Variants in NOC3L observed in about 807,000 individuals in gnomAD.
NOC3L encodes NOC3 like DNA replication regulator, also known as nucleolar complex protein 3 homolog.
A neutral mutation model predicts 102.5 loss-of-function variants in NOC3L; 85 were observed. That is an observed-to-expected ratio of 0.83 (90% CI 0.70 to 0.99). NOC3L has a LOEUF of 0.99. Ranked by LOEUF, NOC3L falls within the 50% of genes least tolerant of loss-of-function variation. NOC3L has a pLI of 0.00. For synonymous variants in NOC3L, 303 were observed against 309.4 expected, an observed-to-expected ratio of 0.98 and a Z score of 0.22; for missense variants, 878 against 914.9, an observed-to-expected ratio of 0.96 and a Z score of 0.52.
At chr10:94,349,160 T>C (rs1367151129) in intron 10 of NOC3L, 90 bp downstream of exon 10, 1 of 1,410,710 alleles carries the variant, frequency 7.1e-7, no homozygotes, top group Non-Finnish European at 9.5e-7. Flanking sequence ...TTTTACTTCA[T>C]ACACTTATAA....
Position 94,344,376 on chromosome 10 carries a change from A to G in NOC3L, c.1571+39T>C, listed in dbSNP as rs2054320014. On this transcript the variant is annotated intron_variant, in intron 13 of 20. Transcript: ENST00000371361. ...GAAAATTCTTTGGTCTTTCCTATTT[A>G]GAAGGAATCTAAAAGATTTCAACCT... 2.9e-6 allele frequency: 4 copies of G among 1,366,440 alleles called. No homozygotes were observed. In the South Asian group the frequency reaches 4.9e-5, roughly 17 times the overall value. The allele number at this position is 1,366,440 out of a possible 1,614,324, so 84.6% of individuals were successfully genotyped here. A position where few individuals can be genotyped will look rare whatever the true frequency, so the allele number is the denominator to read the frequency against.
Position 94,346,417 on chromosome 10 carries a change from A to G in NOC3L, c.1389+8T>C. On this transcript the variant is annotated splice_region_variant and intron_variant, in intron 11 of 20. Transcript: ENST00000371361. ...TTTAAATGAAACAAAAGGGGAAATAAGTCAAACCTTTCTCTGCATTCTTGA... is the reference window on the plus strand; with the variant it reads ...TTTAAATGAAACAAAAGGGGAAATAGGTCAAACCTTTCTCTGCATTCTTGA... 6.7e-7 allele frequency: 1 copy of G among 1,481,710 alleles called. No homozygotes were observed. The highest frequency in any genetic ancestry group is 9.0e-7 in the Non-Finnish European group (1 of 1,112,682). 91.8% of individuals were successfully genotyped at this position (1,481,710 alleles called of 1,614,324 possible). A position where few individuals can be genotyped will look rare whatever the true frequency, so the allele number is the denominator to read the frequency against.
chr10:94,349,098 T>C (rs2054383287), intron 10 of NOC3L, 152 bp downstream of exon 10: 1 of 728,286 alleles, frequency 1.4e-6, no homozygotes, highest in Non-Finnish European at 2.1e-6. Context: ...CTGTTAATAG[T>C]ATCAAACATT....
the NOC3L span, among the ~76,000 whole-genome samples, chr10:94,323,637 C>T: frequency 6.6e-6 from 1 of 152,142 alleles, no homozygotes; most frequent in African/African-American, 2.4e-5. Flanking sequence ...AATACAATGC[C>T]TAGCAAATGG....
At chr10:94,340,033 C>A in intron 16 of NOC3L, 113 bp from the exon 17 acceptor site, 1 of 934,852 alleles carries the variant, frequency 1.1e-6, no homozygotes, top group Non-Finnish European at 1.6e-6. Context: ...CAAACCATTT[C>A]TCTAATCAAT....
chr10:94,316,484 A>T, the NOC3L span: 2 of 1,029,398 alleles, frequency 1.9e-6, no homozygotes, highest in Non-Finnish European at 1.5e-6. Flanking sequence ...TCTGAACACC[A>T]TGAAAGTTGA....
intron 14 of NOC3L, 111 bp downstream of exon 14, chr10:94,341,562 A>C (rs930120587): frequency 2.3e-5 from 11 of 474,428 alleles, no homozygotes; most frequent in Admixed American, 2.1e-4. Flanking sequence ...CATAAACTGT[A>C]CATCTAAAAG....
chr10:94,322,085 G>C, the NOC3L span: 1 of 1,607,742 alleles, frequency 6.2e-7, no homozygotes, highest in Non-Finnish European at 8.5e-7. Context: ...TTCCTCACCT[G>C]AGTCCTTTCC....
chr10:94,344,377 G>C, intron 13 of NOC3L, 38 bp downstream of exon 13: 1 of 1,373,930 alleles, frequency 7.3e-7, no homozygotes, highest in Non-Finnish European at 1.0e-6. Flanking sequence ...TTCCTATTTA[G>C]AAGGAATCTA....
intron 14 of NOC3L, among the ~76,000 whole-genome samples, chr10:94,340,844 G>A (rs889956647): frequency 5.9e-5 from 9 of 151,878 alleles, no homozygotes; most frequent in African/African-American, 2.2e-4. Context: ...AACCGGGCAT[G>A]GTGGTGGGCG....
chr10:94,339,811 A>G lies in NOC3L; in HGVS notation c.1890T>C (p.Leu630=), dbSNP rs2054260918. The change falls in exon 17 of 21, where the codon CTT becomes CTC. Residue 630 remains leucine, a synonymous_variant. Transcript: ENST00000371361. The part of the protein sequence containing the change: ...QQRALAFIKR[L]CTLALHVLPN... ...GAAGAACATGAAGAGCAAGGGTACA[A>G]AGGCGTTTGATGAAGGCAAGAGCTC... 6.2e-7 allele frequency: 1 copy of G among 1,614,074 alleles called. No individual in the cohort carries two copies. The highest frequency in any genetic ancestry group is 1.1e-5 in the South Asian group (1 of 91,086).
Position 94,361,670 on chromosome 10 carries a change from C to A in NOC3L, c.212G>T (p.Arg71Leu). The stretch of plus-strand genomic sequence containing the variant: ...CATGATGTTTTCACAATTACCTGGT[C>A]GCTTTTCCTTTGGGTTCTCCAATGG... ...PIPLENPKEK[R>L]PGKRIEREEE... The change falls in exon 2 of 21, where the codon CGA (arginine) becomes CTA (leucine). Residue 71 changes from arginine (R) to leucine (L), a missense_variant. Transcript: ENST00000371361. 6 of 1,612,934 alleles carry A rather than the reference C, an allele frequency of 3.7e-6. No individual in the cohort carries two copies. The South Asian group carries it at 5.5e-5, about 15-fold the overall frequency.
chr10:94,356,760 G>A (rs1035063492), intron 4 of NOC3L, among the ~76,000 whole-genome samples, 169 bp from the exon 5 acceptor site: 9 of 152,164 alleles, frequency 5.9e-5, no homozygotes, highest in African/African-American at 2.2e-4. Context: ...GAAGCTAGCA[G>A]TAGTTTTTTT....
At chr10:94,315,925 G>GTATC in the NOC3L span, among the ~76,000 whole-genome samples, 1 of 85,286 alleles carries the variant, frequency 1.2e-5, no homozygotes, top group African/African-American at 4.7e-5. Context: ...AAGGGATTAA[G>GTATC]TATCTTACCC....
intron 14 of NOC3L, among the ~76,000 whole-genome samples, chr10:94,341,201 T>G (rs1433300269): frequency 2.6e-5 from 4 of 151,714 alleles, no homozygotes; most frequent in Admixed American, 2.6e-4. Flanking sequence ...CTATAAAGGT[T>G]ATCTTTAAGA....
intron 2 of NOC3L, among the ~76,000 whole-genome samples, chr10:94,360,826 C>A (rs1230381580): frequency 1.3e-5 from 2 of 151,708 alleles, no homozygotes; most frequent in African/African-American, 4.8e-5. Context: ...ATATATACAC[C>A]TACTATGTAC....
downstream of NOC3L, chr10:94,330,988 A>C (rs908906248): frequency 2.4e-4 from 37 of 152,232 alleles, no homozygotes; most frequent in African/African-American, 8.4e-4. Flanking sequence ...GCATCACTGA[A>C]AGTGAAGAGA....
rs912629097 is a variant in NOC3L, at chr10:94,344,438, T to A, written c.1548A>T (p.Pro516=). ...LKKAQRSPLL[P]AVLEGLAKFA... ...ACTTGGCAAGACCTTCTAGAACTGC[T>A]GGCAGGAGAGGTGACCTCTGGGCCT... is the stretch of plus-strand genomic sequence containing the variant. Residue 516 remains proline (P), a synonymous_variant, in exon 13 of 21, where the codon CCA becomes CCT. Coordinates refer to ENST00000371361, the MANE Select transcript of NOC3L (RefSeq NM_022451.11). 3.7e-6 allele frequency: 6 copies of A among 1,613,218 alleles called. No individual in the cohort carries two copies. The African/African-American group carries it at 4.0e-5, about 11-fold the overall frequency.
chr10:94,357,501 AT>A (rs1465403195), intron 3 of NOC3L, 170 bp from the exon 4 acceptor site: 1 of 422,756 alleles, frequency 2.4e-6, no homozygotes, highest in African/African-American at 2.0e-5. Context: ...CAGCAAATGA[AT>A]AAAAGAAATG....
Sources: gnomAD v4.1 joint callset for allele counts (sites outside exome capture counted in the v4.1 genomes callset) on GRCh38, gnomAD v4.1.1 for gene constraint, MANE v1.5 for transcripts, NCBI Gene and HGNC (gene_info 2026-07-23, HGNC 2026-07-21) for gene names.